Variants in BAZ1A observed in about 807,000 individuals in gnomAD.
BAZ1A encodes the protein bromodomain adjacent to zinc finger domain protein 1A.
In BAZ1A, 50 loss-of-function variants were observed where a neutral mutation model predicts 185.2. That is an observed-to-expected ratio of 0.27 (90% CI 0.22 to 0.34). The LOEUF (loss-of-function observed/expected upper bound fraction) is 0.34. Ranked by LOEUF, BAZ1A falls within the 10% of genes least tolerant of loss-of-function variation. The pLI, the probability that BAZ1A is intolerant of heterozygous loss-of-function variation, is 1.00. For synonymous variants in BAZ1A, 571 were observed against 615.6 expected, an observed-to-expected ratio of 0.93 and a Z score of 1.07; for missense variants, 1,356 against 1,839.9, an observed-to-expected ratio of 0.74 and a Z score of 4.81.
Position 34,765,096 on chromosome 14 carries a change from G to A in BAZ1A, c.3474C>T (p.Gly1158=), listed in dbSNP as rs542047836. The change falls in exon 22 of 27, where the codon GGC becomes GGT. Residue 1158 remains glycine (G), a synonymous_variant. Transcript: ENST00000360310. The part of the protein sequence containing the change: ...NARCKICRKK[G]DAENMVLCDG... Reference sequence around the variant, plus strand: ...CACAAAGAACCATGTTTTCAGCATCGCCTTTCTTTCGACATATCTTGCAAC... The same window carrying A: ...CACAAAGAACCATGTTTTCAGCATCACCTTTCTTTCGACATATCTTGCAAC... 24 of 1,614,106 alleles carry A rather than the reference G, an allele frequency of 1.5e-5. No individual in the cohort carries two copies. The highest frequency in any genetic ancestry group is 8.3e-5 in the Admixed American group (5 of 60,002).
At chr14:34,844,865 T>G (rs2042483705) in intron 3 of BAZ1A, among the ~76,000 whole-genome samples, 1 of 152,016 alleles carries the variant, frequency 6.6e-6, no homozygotes. Context: ...AAAATTCATA[T>G]GGTTAAAACA....
At chr14:34,819,934 G>A (rs1032596160) in intron 4 of BAZ1A, among the ~76,000 whole-genome samples, 2 of 152,224 alleles carry the variant, frequency 1.3e-5, no homozygotes, top group East Asian at 3.9e-4. Flanking sequence ...CTAGCATTTG[G>A]TGTTGTCAGT....
intron 3 of BAZ1A, among the ~76,000 whole-genome samples, chr14:34,856,005 A>G (rs1441156192): frequency 2.6e-5 from 4 of 152,262 alleles, no homozygotes; most frequent in African/African-American, 7.2e-5. Context: ...GCAGTATAAC[A>G]AAGAGCTTAA....
At position 34,774,478 on chromosome 14, in the gene BAZ1A, G is replaced by C; in HGVS notation, c.2846C>G (p.Pro949Arg). Reference protein sequence around the residue: ...EKFHFSDKPQPDSKPTYSRGR... With the variant: ...EKFHFSDKPQRDSKPTYSRGR... The stretch of plus-strand genomic sequence containing the variant: ...CCGACTATATGTTGGTTTGCTATCA[G>C]GCTGAGGTTTGTCTGAAATAGTAAT... Residue 949 changes from proline to arginine, a missense_variant, in exon 19 of 27, where the codon CCT becomes CGT. By Grantham distance (103) the Pro-to-Arg change is moderately radical. Transcript: ENST00000360310. The C allele has an allele frequency of 6.3e-7, 1 of 1,579,540 alleles. No individual in the cohort carries two copies. Among genetic ancestry groups the C allele is most frequent in the Non-Finnish European group, 8.6e-7 (1 of 1,166,548 alleles).
At chr14:34,846,288 A>C (rs2042510495) in intron 3 of BAZ1A, among the ~76,000 whole-genome samples, 1 of 152,218 alleles carries the variant, frequency 6.6e-6, no homozygotes. Context: ...CACAGTAATG[A>C]CCGTAAGTCC....
At chr14:34,790,132 AT>A (rs1181639362) in intron 12 of BAZ1A, among the ~76,000 whole-genome samples, 1 of 147,746 alleles carries the variant, frequency 6.8e-6, no homozygotes, top group African/African-American at 2.5e-5. Context: ...TGCCAGACTT[AT>A]TTTTTTTCCT....
At chr14:34,848,284 G>A (rs568974346) in intron 3 of BAZ1A, among the ~76,000 whole-genome samples, 88 of 152,166 alleles carry the variant, frequency 5.8e-4, no homozygotes, top group Non-Finnish European at 1.1e-3. Flanking sequence ...ACCACTTGAT[G>A]CCTAAATTGA....
chr14:34,800,204 T>G lies in BAZ1A; in HGVS notation c.1128+20A>C. On this transcript the variant is annotated intron_variant, in intron 9 of 26. Coordinates refer to ENST00000360310, the MANE Select transcript of BAZ1A (RefSeq NM_013448.3). ...TATTACTATATGTAGAGAGTATAGC[T>G]AATATACTCAAATGAATACCTTTTC... 1 of 1,370,202 alleles carries G rather than the reference T, an allele frequency of 7.3e-7. No homozygotes were observed. 84.9% of individuals were successfully genotyped at this position (1,370,202 alleles called of 1,614,324 possible). A position where few individuals can be genotyped will look rare whatever the true frequency, so the allele number is the denominator to read the frequency against.
chr14:34,866,165 G>A (rs2042856123), intron 2 of BAZ1A, among the ~76,000 whole-genome samples: 1 of 152,120 alleles, frequency 6.6e-6, no homozygotes, highest in East Asian at 1.9e-4. Context: ...TCCAGCCTGA[G>A]TGACAGAGCA....
chr14:34,776,965 G>A (rs1879666464), intron 17 of BAZ1A, among the ~76,000 whole-genome samples: 2 of 152,164 alleles, frequency 1.3e-5, no homozygotes, highest in African/African-American at 4.8e-5. Flanking sequence ...CGTTATGGCA[G>A]CCCAAGCAGA....
chr14:34,787,574 T>G (rs1412486122), intron 12 of BAZ1A, among the ~76,000 whole-genome samples: 1 of 151,730 alleles, frequency 6.6e-6, no homozygotes, highest in Non-Finnish European at 1.5e-5. Context: ...TCCCAGCTAC[T>G]TGGGAGGCTG....
chr14:34,761,950 T>C lies in BAZ1A; in HGVS notation c.4050A>G (p.Glu1350=). 6.2e-7 allele frequency: 1 copy of C among 1,614,234 alleles called. No individual in the cohort carries two copies. Among genetic ancestry groups the C allele is most frequent in the Non-Finnish European group, 8.5e-7 (1 of 1,180,050 alleles). The change falls in exon 24 of 27, where the codon GAA becomes GAG. Residue 1350 remains glutamate (E), a synonymous_variant. Coordinates refer to ENST00000360310, the MANE Select transcript of BAZ1A (RefSeq NM_013448.3). ...HGPLQADVFV[E]LLSPRRKRRG... is the part of the protein sequence containing the mutation. ...TGCGTTTTCTACGAGGACTAAGCAATTCCACAAATACATCTGCTTGCAGTG... is the reference window on the plus strand; with the variant it reads ...TGCGTTTTCTACGAGGACTAAGCAACTCCACAAATACATCTGCTTGCAGTG...
At chr14:34,813,185 C>A (rs1027659356) in intron 4 of BAZ1A, among the ~76,000 whole-genome samples, 1 of 151,286 alleles carries the variant, frequency 6.6e-6, no homozygotes, top group Middle Eastern at 3.2e-3. Context: ...GAGTTTGAGA[C>A]CAACCTTGGC....
rs202209689 is a variant in BAZ1A, at chr14:34,762,099, T to A, written c.3901A>T (p.Ser1301Cys). Residue 1301 changes from serine to cysteine, a missense_variant, in exon 24 of 27, where the codon AGC becomes TGC. Ser to Cys is a moderately radical substitution (Grantham distance 112, BLOSUM62 -1). Around this residue, in one of 7 missense-constraint regions of BAZ1A, gnomAD observed 309 missense variants for 355.3 expected, o/e 0.87. Transcript: ENST00000360310. ...PGRYPSRSQQSTPKTTVSSKT... is the reference protein window; with the variant it reads ...PGRYPSRSQQCTPKTTVSSKT... ...GAAGAAACAGTTGTTTTGGGTGTGC[T>A]CTGCTGACTCCTTGAAGGGTATCTT... 3.7e-6 allele frequency: 6 copies of A among 1,614,114 alleles called. No individual in the cohort carries two copies. The highest frequency in any genetic ancestry group is 5.1e-6 in the Non-Finnish European group (6 of 1,180,062).
intron 12 of BAZ1A, among the ~76,000 whole-genome samples, chr14:34,789,764 G>T (rs936531697): frequency 6.6e-6 from 1 of 152,172 alleles, no homozygotes; most frequent in Non-Finnish European, 1.5e-5. Context: ...AAGGGCCAAA[G>T]AAATTAGATC....
intron 5 of BAZ1A, among the ~76,000 whole-genome samples, chr14:34,808,487 G>A (rs1349954920): frequency 6.6e-6 from 1 of 152,052 alleles, no homozygotes; most frequent in Non-Finnish European, 1.5e-5. Flanking sequence ...GACAGAGTGA[G>A]ACTCTGTCTC....
intron 26 of BAZ1A, 29 bp downstream of exon 26, chr14:34,754,798 A>C: frequency 6.8e-7 from 1 of 1,467,170 alleles, no homozygotes; most frequent in Middle Eastern, 1.8e-4. Context: ...TAGAAAAATA[A>C]ATATCAAAGA....
intron 12 of BAZ1A, among the ~76,000 whole-genome samples, chr14:34,787,354 A>AC (rs1880536012): frequency 1.5e-5 from 2 of 132,930 alleles, no homozygotes; most frequent in South Asian, 2.7e-4. Flanking sequence ...TCTGTCTCAA[A>AC]AAAAAAAAAA....
At chr14:34,848,576 G>A (rs991618856) in intron 3 of BAZ1A, among the ~76,000 whole-genome samples, 2 of 152,126 alleles carry the variant, frequency 1.3e-5, no homozygotes, top group South Asian at 2.1e-4. Context: ...CAGCCTGGGC[G>A]ACAGAGCGGG....
Sources: gnomAD v4.1 joint callset for allele counts (sites outside exome capture counted in the v4.1 genomes callset) on GRCh38, gnomAD v4.1.1 for gene constraint, gnomAD v4.1.1 regional missense constraint, MANE v1.5 for transcripts, NCBI Gene and HGNC (gene_info 2026-07-23, HGNC 2026-07-21) for gene names.